The following EGF variants were observed in gnomAD, a reference collection of about 807,000 sequenced individuals.
EGF encodes the protein epidermal growth factor, also known as pro-epidermal growth factor.
Under a neutral mutation model 143.8 loss-of-function variants are expected in EGF, and 95 were observed. The ratio of observed to expected loss-of-function variants is 0.66; its 90% CI spans 0.56 to 0.78. The LOEUF is 0.78. EGF is among the 30% of genes least tolerant of loss of function. The pLI is 0.00. For missense variants in EGF, 1,320 were observed against 1,470.9 expected (o/e 0.90, Z 1.68); for synonymous variants, 510 against 510.5 (o/e 1.00, Z 0.01).
At chr4:109,998,941 C>G (rs186459312) in intron 20 of EGF, among the ~76,000 whole-genome samples, 2 of 152,274 alleles carry the variant, frequency 1.3e-5, no homozygotes, top group Non-Finnish European at 2.9e-5. Flanking sequence ...TTAATTGTTT[C>G]TAGAAATGCA....
intron 5 of EGF, among the ~76,000 whole-genome samples, chr4:109,948,229 T>C (rs1257612049): frequency 6.6e-6 from 1 of 152,176 alleles, no homozygotes; most frequent in Non-Finnish European, 1.5e-5. Flanking sequence ...GGAGATTGGC[T>C]CCAGTTACTG....
intron 21 of EGF, among the ~76,000 whole-genome samples, chr4:110,000,658 C>T (rs1489760575): frequency 6.6e-6 from 1 of 152,178 alleles, no homozygotes; most frequent in Admixed American, 6.5e-5. Flanking sequence ...TTCTTTAAAA[C>T]TAACACTACA....
rs573866704 is a variant in EGF at position 109,999,665 on chromosome 4, G to A, written c.3006-14G>A. The A allele has an allele frequency of 1.2e-6, 2 of 1,614,170 alleles. No homozygotes were observed. Among genetic ancestry groups the A allele is most frequent in the African/African-American group, 2.7e-5 (2 of 75,038 alleles). On this transcript the variant is annotated splice_polypyrimidine_tract_variant and intron_variant, in intron 20 of 23. Transcript: ENST00000265171. Reference sequence around the variant, plus strand: ...CAGGCATCTCTGATGACCTCTGTTTGTGTGTTGTCACAGCTGTGTTGTTGG... The same window carrying A: ...CAGGCATCTCTGATGACCTCTGTTTATGTGTTGTCACAGCTGTGTTGTTGG...
intron 11 of EGF, among the ~76,000 whole-genome samples, chr4:109,971,995 T>C (rs558581823): frequency 6.6e-6 from 1 of 152,228 alleles, no homozygotes; most frequent in South Asian, 2.1e-4. Flanking sequence ...GGTAAAAATA[T>C]AAGCTATCTA....
rs140467574 is a variant in EGF, at chr4:109,997,935, C to T, written c.3006-1744C>T. Among the ~76,000 whole-genome samples the T allele has an allele frequency of 3.0e-3, 455 of 152,300 alleles. 3 individuals carry two copies. The highest frequency in any genetic ancestry group is 0.01 in the African/African-American group (427 of 41,556). On this transcript the variant is annotated intron_variant, in intron 20 of 23. Transcript: ENST00000265171. ...TCTAGAATGTCTCAAAATTATTTGG[C>T]TATGGAAAGGCAAACTTATTTGGCC... is the stretch of plus-strand genomic sequence containing the variant.
At chr4:109,993,178 C>T in intron 18 of EGF, 69 bp from the exon 19 acceptor site, 9 of 1,603,474 alleles carry the variant, frequency 5.6e-6, no homozygotes, top group Non-Finnish European at 6.8e-6. Context: ...CTTCCAAAGG[C>T]TGTCCAACTA....
Position 110,008,141 on chromosome 4 carries a change from G to A in EGF, c.3292-11G>A. The A allele has an allele frequency of 6.2e-7, 1 of 1,612,524 alleles. No homozygotes were observed. Among genetic ancestry groups the A allele is most frequent in the Non-Finnish European group, 8.5e-7 (1 of 1,178,680 alleles). ...ACAATATCCTCTCTCCCTCCTTTTT[G>A]TTGTCTGCAGTTTGTGGTTATAAAA... On this transcript the variant is annotated splice_polypyrimidine_tract_variant and intron_variant, in intron 22 of 23. Transcript: ENST00000265171.
At chr4:109,919,132 T>C (rs1383897691) in intron 1 of EGF, among the ~76,000 whole-genome samples, 1 of 152,226 alleles carries the variant, frequency 6.6e-6, no homozygotes, top group Non-Finnish European at 1.5e-5. Context: ...TGTGTTTTGC[T>C]AAACAAAAAC....
chr4:109,964,490 C>A lies in EGF; in HGVS notation c.1528C>A (p.Gln510Lys). 6.2e-7 allele frequency: 1 copy of A among 1,613,952 alleles called. No individual in the cohort carries two copies. The highest frequency in any genetic ancestry group is 8.5e-7 in the Non-Finnish European group (1 of 1,179,870). ...GTDYGTLLSQQMGMVYALDHD... is the reference protein window; with the variant it reads ...GTDYGTLLSQKMGMVYALDHD... ...AGACTATGGAACTCTGCTCAGCCAGCAGATGGGAATGGTTTATGCCCTAGA... is the reference window on the plus strand; with the variant it reads ...AGACTATGGAACTCTGCTCAGCCAGAAGATGGGAATGGTTTATGCCCTAGA... The change falls in exon 10 of 24, where the codon CAG (glutamine) becomes AAG (lysine). Residue 510 changes from glutamine (Q) to lysine (K), a missense_variant. Transcript: ENST00000265171.
At chr4:109,961,608 G>GATACATT (rs1241260111) in intron 7 of EGF, among the ~76,000 whole-genome samples, 1 of 151,924 alleles carries the variant, frequency 6.6e-6, no homozygotes, top group East Asian at 1.9e-4. Context: ...ACATAATCAT[G>GATACATT]ATACATTATT....
chr4:109,934,167 T>G (rs2125984396), intron 1 of EGF, among the ~76,000 whole-genome samples: 1 of 152,374 alleles, frequency 6.6e-6, no homozygotes, highest in Admixed American at 6.5e-5. Context: ...ATTTCTCTGA[T>G]GACCAGTGAT....
intron 1 of EGF, among the ~76,000 whole-genome samples, chr4:109,929,710 G>C (rs183573077): frequency 3.9e-4 from 57 of 147,914 alleles, no homozygotes; most frequent in African/African-American, 1.4e-3. Context: ...ATGAGTTCCA[G>C]AGCATTTTTT....
At chr4:109,917,258 C>T (rs1230050648) in intron 1 of EGF, among the ~76,000 whole-genome samples, 1 of 152,094 alleles carries the variant, frequency 6.6e-6, no homozygotes, top group African/African-American at 2.4e-5. Flanking sequence ...AGTTAATTTA[C>T]ATTTTGGGGC....
intron 10 of EGF, among the ~76,000 whole-genome samples, chr4:109,965,337 T>C (rs1399284599): frequency 6.6e-6 from 1 of 152,132 alleles, no homozygotes; most frequent in Non-Finnish European, 1.5e-5. Context: ...GTCTGGTAAA[T>C]GGCCAAAAGA....
chr4:109,961,418 T>G (rs1385411457), intron 7 of EGF, among the ~76,000 whole-genome samples: 4 of 152,168 alleles, frequency 2.6e-5, no homozygotes, highest in Admixed American at 2.6e-4. Flanking sequence ...AATCAGAACC[T>G]CTCAGGTTGG....
At chr4:109,997,579 A>G (rs1460220178) in intron 20 of EGF, among the ~76,000 whole-genome samples, 1 of 151,884 alleles carries the variant, frequency 6.6e-6, no homozygotes, top group Non-Finnish European at 1.5e-5. Context: ...CTCCTGCCTC[A>G]GCCTCCAGAC....
intron 1 of EGF, among the ~76,000 whole-genome samples, chr4:109,938,712 T>A (rs6533481): frequency 6.6e-6 from 1 of 151,986 alleles, no homozygotes; most frequent in Non-Finnish European, 1.5e-5. Context: ...TGTGGATGTC[T>A]TTTCTGTTGA....
intron 11 of EGF, among the ~76,000 whole-genome samples, chr4:109,970,622 C>G (rs111260399): frequency 0.017 from 2,643 of 151,962 alleles, 66 homozygotes; most frequent in African/African-American, 0.057. Flanking sequence ...GTCAGGAGAT[C>G]GAGACCATCC....
At position 109,982,408 on chromosome 4, in the gene EGF, A is replaced by G. The variant is rs531862043; in HGVS notation, c.2372-1014A>G. 4.5e-4 allele frequency among the ~76,000 whole-genome samples: 69 copies of G among 151,706 alleles called. 1 individual carries two copies. The South Asian group carries it at 0.014, about 31-fold the overall frequency. ...AGTGGCAAGATCTCAGCTCACTGCAACCTCTGCCTCTAGGGTTCAAGAGAT... is the reference window on the plus strand; with the variant it reads ...AGTGGCAAGATCTCAGCTCACTGCAGCCTCTGCCTCTAGGGTTCAAGAGAT... On this transcript the variant is annotated intron_variant, in intron 15 of 23. Transcript: ENST00000265171.
Sources: allele counts gnomAD v4.1 joint callset (sites outside exome capture counted in the v4.1 genomes callset), GRCh38; gene constraint gnomAD v4.1.1; transcripts MANE v1.5; gene names NCBI Gene and HGNC (gene_info 2026-07-23, HGNC 2026-07-21).